Variants in KIAA0930 observed in about 807,000 individuals in gnomAD.
KIAA0930 encodes the protein KIAA0930.
KIAA0930 carries 24 observed loss-of-function variants against 43.9 expected under a neutral mutation model. That is an observed-to-expected ratio of 0.55 (90% CI 0.40 to 0.77). The LOEUF (loss-of-function observed/expected upper bound fraction) is 0.77. Among genes scored for constraint, KIAA0930 ranks in the 30% least tolerant of loss-of-function variants. The probability of loss-of-function intolerance (pLI) is 0.00; values close to 1 mark genes in which losing one functional copy is unlikely to be tolerated. For synonymous variants in KIAA0930, 259 were observed against 216.4 expected, an observed-to-expected ratio of 1.20 and a Z score of -1.73; for missense variants, 461 against 574.2, an observed-to-expected ratio of 0.80 and a Z score of 2.02.
intron 5 of KIAA0930, 25 bp from the exon 6 acceptor site, chr22:45,204,010 G>T (rs374100037): frequency 6.2e-7 from 1 of 1,612,544 alleles, no homozygotes; most frequent in Non-Finnish European, 8.5e-7. Flanking sequence ...AAAGAGACAG[G>T]GACGTGACCA....
intron 1 of KIAA0930, chr22:45,235,106 T>C (rs2083879146): frequency 6.6e-6 from 1 of 152,076 alleles, no homozygotes; most frequent in African/African-American, 2.4e-5. Flanking sequence ...GACACAAGCC[T>C]CCCCAGCTCG....
chr22:45,197,760 C>G, intron 9 of KIAA0930, 30 bp downstream of exon 9: 1 of 1,610,360 alleles, frequency 6.2e-7, no homozygotes, highest in East Asian at 2.2e-5. Context: ...TGAGAAGGTG[C>G]GGCTGCTTCC....
At chr22:45,234,541 G>A (rs1036782888) in intron 1 of KIAA0930, among the ~76,000 whole-genome samples, 1 of 152,196 alleles carries the variant, frequency 6.6e-6, no homozygotes, top group Non-Finnish European at 1.5e-5. Flanking sequence ...TCAGCCCCGT[G>A]AACACCCGTC....
chr22:45,202,052 G>A (rs1014695154), intron 7 of KIAA0930, among the ~76,000 whole-genome samples: 1 of 152,236 alleles, frequency 6.6e-6, no homozygotes, highest in Admixed American at 6.5e-5. Context: ...ACTGAGGCTT[G>A]GAGAGGAAAA....
At chr22:45,228,768 T>TCTTCACC (rs2083821644) in intron 1 of KIAA0930, among the ~76,000 whole-genome samples, 2 of 7,288 alleles carry the variant, frequency 2.7e-4, no homozygotes, top group Admixed American at 1.1e-3. Flanking sequence ...GAAAGATCCC[T>TCTTCACC]CCCCATCCCC....
chr22:45,203,809 C>T (rs1291206885), intron 6 of KIAA0930, 36 bp downstream of exon 6: 8 of 1,607,330 alleles, frequency 5.0e-6, no homozygotes, highest in Non-Finnish European at 6.8e-6. Flanking sequence ...CGTCCCCGGG[C>T]CCAGAAGAAC....
intron 2 of KIAA0930, among the ~76,000 whole-genome samples, chr22:45,207,264 G>C (rs1436170148): frequency 6.6e-6 from 1 of 151,252 alleles, no homozygotes; most frequent in Non-Finnish European, 1.5e-5. Flanking sequence ...ACCCACCTCG[G>C]CCTCCCAAAG....
At chr22:45,234,803 C>G (rs1364330340) in intron 1 of KIAA0930, among the ~76,000 whole-genome samples, 1 of 152,166 alleles carries the variant, frequency 6.6e-6, no homozygotes, top group African/African-American at 2.4e-5. Flanking sequence ...GGAGTCTGAG[C>G]AACATGGGAA....
chr22:45,218,127 C>T (rs570518346), intron 1 of KIAA0930, among the ~76,000 whole-genome samples: 3 of 152,176 alleles, frequency 2.0e-5, no homozygotes, highest in South Asian at 4.1e-4. Flanking sequence ...GATGACAGCT[C>T]GCGCGTGCCC....
intron 2 of KIAA0930, among the ~76,000 whole-genome samples, chr22:45,208,476 AC>A: frequency 6.9e-6 from 1 of 144,690 alleles, no homozygotes; most frequent in African/African-American, 2.5e-5. Context: ...AGGCAGAACC[AC>A]CGACTCCACA....
At chr22:45,216,939 G>C (rs537993183) in intron 1 of KIAA0930, among the ~76,000 whole-genome samples, 3 of 152,176 alleles carry the variant, frequency 2.0e-5, no homozygotes, top group Admixed American at 2.0e-4. Flanking sequence ...TGAGGCAGCC[G>C]TGAACACTGA....
At chr22:45,230,297 G>A (rs1017312335) in intron 1 of KIAA0930, among the ~76,000 whole-genome samples, 23 of 152,156 alleles carry the variant, frequency 1.5e-4, no homozygotes, top group African/African-American at 4.6e-4. Flanking sequence ...CATACAGGTG[G>A]GAGCAGATGT....
chr22:45,199,355 G>C (rs2083565575), intron 8 of KIAA0930, among the ~76,000 whole-genome samples: 1 of 152,184 alleles, frequency 6.6e-6, no homozygotes, highest in African/African-American at 2.4e-5. Context: ...GGGGACAGGG[G>C]CACAGGAAGG....
At chr22:45,218,980 G>A (rs2083750780) in intron 1 of KIAA0930, among the ~76,000 whole-genome samples, 1 of 152,184 alleles carries the variant, frequency 6.6e-6, no homozygotes, top group Non-Finnish European at 1.5e-5. Flanking sequence ...TTCCAGCCGA[G>A]TGCCAATTTA....
chr22:45,224,561 A>T (rs1370534307), intron 1 of KIAA0930, among the ~76,000 whole-genome samples: 2 of 152,206 alleles, frequency 1.3e-5, no homozygotes, highest in Non-Finnish European at 2.9e-5. Flanking sequence ...CACATCAGTT[A>T]GTTTGGTCTC....
At chr22:45,210,058 C>G (rs1203122061) in intron 2 of KIAA0930, among the ~76,000 whole-genome samples, 1 of 152,234 alleles carries the variant, frequency 6.6e-6, no homozygotes, top group African/African-American at 2.4e-5. Flanking sequence ...CCCGTCCTCC[C>G]ACCTCCCTGT....
intron 1 of KIAA0930, among the ~76,000 whole-genome samples, chr22:45,222,648 C>T (rs554183564): frequency 2.2e-4 from 33 of 151,806 alleles, no homozygotes; most frequent in Non-Finnish European, 3.8e-4. Context: ...AAACCACCCC[C>T]GCCCCCCCAC....
intron 1 of KIAA0930, chr22:45,226,353 G>A: frequency 2.1e-6 from 1 of 470,990 alleles, no homozygotes; most frequent in Non-Finnish European, 4.4e-6. Flanking sequence ...AGTTCTGTGG[G>A]CCTGCTCTGC....
chr22:45,233,292 G>A (rs1177366400), intron 1 of KIAA0930, among the ~76,000 whole-genome samples: 1 of 152,178 alleles, frequency 6.6e-6, no homozygotes, highest in African/African-American at 2.4e-5. Flanking sequence ...CCAGGGTTCT[G>A]TGCTCTGGAC....
Sources: gnomAD v4.1 joint callset for allele counts (sites outside exome capture counted in the v4.1 genomes callset) on GRCh38, gnomAD v4.1.1 for gene constraint, MANE v1.5 for transcripts, NCBI Gene and HGNC (gene_info 2026-07-23, HGNC 2026-07-21) for gene names.